The following DENND5B variants were observed in gnomAD, a reference collection of about 807,000 sequenced individuals.
DENND5B encodes the protein DENN domain-containing protein 5B.
Under a neutral mutation model 140.6 loss-of-function variants are expected in DENND5B, and 34 were observed. The observed-to-expected ratio is 0.24, with a 90% CI of 0.18 to 0.32. DENND5B has a LOEUF of 0.32. Ranked by LOEUF, DENND5B falls within the 10% of genes least tolerant of loss-of-function variation. The probability of loss-of-function intolerance (pLI) is 1.00; values close to 1 mark genes in which losing one functional copy is unlikely to be tolerated. For missense variants in DENND5B, 1,142 were observed against 1,560.2 expected, an observed-to-expected ratio of 0.73 and a Z score of 4.52; for synonymous variants, 551 against 562.1, an observed-to-expected ratio of 0.98 and a Z score of 0.28.
At chr12:31,519,110 G>T (rs1947786734) in intron 1 of DENND5B, among the ~76,000 whole-genome samples, 1 of 152,184 alleles carries the variant, frequency 6.6e-6, no homozygotes, top group African/African-American at 2.4e-5. Flanking sequence ...CTGTGGAAAT[G>T]ACTTCGAAAG....
At chr12:31,389,936 CAAAG>C (rs1941036736) in intron 19 of DENND5B, among the ~76,000 whole-genome samples, 1 of 150,030 alleles carries the variant, frequency 6.7e-6, no homozygotes, top group African/African-American at 2.5e-5. Flanking sequence ...AAGTACCTGA[CAAAG>C]AGAGATATAT....
At chr12:31,497,605 GA>G (rs34114075) in intron 1 of DENND5B, among the ~76,000 whole-genome samples, 3,813 of 150,506 alleles carry the variant, frequency 0.025, 183 homozygotes, top group African/African-American at 0.089. Context: ...TGAACACTAA[GA>G]AATTGTAAAT....
rs143632530 is a variant in DENND5B at position 31,581,649 on chromosome 12, C to G, written c.127+9057G>C. ...CGCTGGCTGCGGTGAGCCGAGATCA[C>G]ACCATTGCCCTCCAGCCTGGGCAAC... On this transcript the variant is annotated intron_variant, in intron 1 of 20. Coordinates refer to ENST00000389082, the MANE Select transcript of DENND5B (RefSeq NM_144973.4). 5.6e-3 allele frequency among the ~76,000 whole-genome samples: 825 copies of G among 147,964 alleles called. 4 individuals carry two copies. Among genetic ancestry groups the G allele is most frequent in the Middle Eastern group, 0.028 (8 of 286 alleles).
chr12:31,553,928 C>G (rs1376925611), intron 1 of DENND5B, among the ~76,000 whole-genome samples: 1 of 152,122 alleles, frequency 6.6e-6, no homozygotes, highest in Non-Finnish European at 1.5e-5. Flanking sequence ...AGATCTTCCT[C>G]CATCCCTTTA....
At chr12:31,504,039 G>A (rs544721856) in intron 1 of DENND5B, among the ~76,000 whole-genome samples, 8 of 152,118 alleles carry the variant, frequency 5.3e-5, no homozygotes, top group African/African-American at 1.9e-4. Flanking sequence ...TTTCATCCTT[G>A]CCTCTAGATT....
At chr12:31,497,105 G>GA (rs533616135) in intron 1 of DENND5B, among the ~76,000 whole-genome samples, 1,420 of 141,460 alleles carry the variant, frequency 0.01, 20 homozygotes, top group African/African-American at 0.029. Flanking sequence ...GTAAAAATAT[G>GA]AAAAAAAAAA....
rs372831530 is a variant in DENND5B, at chr12:31,387,624, G to A, written c.3804C>T (p.Leu1268=). 3.9e-5 allele frequency: 63 copies of A among 1,613,752 alleles called. No homozygotes were observed. The African/African-American group carries it at 6.9e-4, about 18-fold the overall frequency. ...TGGGTTACACATCCACTCCTTTGAT[G>A]AGTGATCCTTCTAGGACTATGGTGA... is the stretch of plus-strand genomic sequence containing the variant. ...QDFTIVLEGS[L]IKGVDV The change falls in exon 21 of 21, where the codon CTC becomes CTT. Residue 1268 remains leucine (L), a synonymous_variant. Coordinates refer to ENST00000389082, the MANE Select transcript of DENND5B (RefSeq NM_144973.4).
chr12:31,558,840 T>C (rs1329310892), intron 1 of DENND5B, among the ~76,000 whole-genome samples: 1 of 152,212 alleles, frequency 6.6e-6, no homozygotes, highest in Non-Finnish European at 1.5e-5. Flanking sequence ...TTCAGGAATA[T>C]AGCCAGATAA....
chr12:31,480,713 ATAGGAAAAGGCTCATT>A (rs1946037020), intron 2 of DENND5B, among the ~76,000 whole-genome samples: 1 of 152,260 alleles, frequency 6.6e-6, no homozygotes, highest in Non-Finnish European at 1.5e-5. Flanking sequence ...ATACAGGGAA[ATAGGAAAAGGCTCATT>A]TAGGAAGTGG....
intron 3 of DENND5B, chr12:31,465,012 TTGACTA>T (rs1267747319): frequency 6.6e-6 from 1 of 152,228 alleles, no homozygotes; most frequent in African/African-American, 2.4e-5. Context: ...AAAATTATGC[TTGACTA>T]TATTATACAA....
At chr12:31,438,302 T>C (rs1943869495) in intron 7 of DENND5B, among the ~76,000 whole-genome samples, 1 of 152,174 alleles carries the variant, frequency 6.6e-6, no homozygotes, top group African/African-American at 2.4e-5. Context: ...GAGCAAATAT[T>C]GTATCCATCT....
At chr12:31,555,806 C>T (rs1356337618) in intron 1 of DENND5B, among the ~76,000 whole-genome samples, 1 of 152,200 alleles carries the variant, frequency 6.6e-6, no homozygotes, top group East Asian at 1.9e-4. Flanking sequence ...TGATCTCGGA[C>T]TGCTATGCTA....
intron 7 of DENND5B, among the ~76,000 whole-genome samples, chr12:31,433,968 C>G (rs1430026440): frequency 6.6e-6 from 1 of 152,158 alleles, no homozygotes; most frequent in Non-Finnish European, 1.5e-5. Context: ...GCATTCCAGC[C>G]TGGATGACAG....
chr12:31,584,883 C>T (rs1950344495), intron 1 of DENND5B, among the ~76,000 whole-genome samples: 1 of 129,514 alleles, frequency 7.7e-6, no homozygotes, highest in South Asian at 2.6e-4. Context: ...TAGTTGGCGG[C>T]TATACTACGC....
intron 3 of DENND5B, among the ~76,000 whole-genome samples, chr12:31,473,452 C>T (rs1191692658): frequency 1.3e-5 from 2 of 152,186 alleles, no homozygotes; most frequent in East Asian, 3.8e-4. Context: ...ATCTACCCTT[C>T]AAGCATTATT....
At chr12:31,555,862 C>T (rs573352105) in intron 1 of DENND5B, among the ~76,000 whole-genome samples, 7 of 152,308 alleles carry the variant, frequency 4.6e-5, no homozygotes, top group South Asian at 4.1e-4. Context: ...GAGCCAGGTG[C>T]GGGATATAAT....
intron 1 of DENND5B, among the ~76,000 whole-genome samples, chr12:31,560,246 C>G (rs1002810508): frequency 1.3e-5 from 2 of 152,194 alleles, no homozygotes; most frequent in Non-Finnish European, 2.9e-5. Flanking sequence ...CCTCCTCCAA[C>G]CTATGCAACC....
chr12:31,418,362 GCCT>G (rs564766746), intron 11 of DENND5B, among the ~76,000 whole-genome samples: 295 of 146,854 alleles, frequency 2.0e-3, no homozygotes, highest in Non-Finnish European at 3.2e-3. Flanking sequence ...GCTCACTGCA[GCCT>G]CCACCTCCGG....
chr12:31,579,167 A>G lies in DENND5B; in HGVS notation c.127+11539T>C, dbSNP rs372153019. Among the ~76,000 whole-genome samples, 13 of 152,372 alleles carry G rather than the reference A, an allele frequency of 8.5e-5. No individual in the cohort carries two copies. In the South Asian group the frequency reaches 2.7e-3, roughly 32 times the overall value. On this transcript the variant is annotated intron_variant, in intron 1 of 20. Coordinates refer to ENST00000389082, the MANE Select transcript of DENND5B (RefSeq NM_144973.4). ...GAAACCCATGTTAGTAAAAATAGTT[A>G]CAAGAGTTAATTTCAAATAAAGTTA...
Sources: gnomAD v4.1 joint callset for allele counts (sites outside exome capture counted in the v4.1 genomes callset) on GRCh38, gnomAD v4.1.1 for gene constraint, MANE v1.5 for transcripts, NCBI Gene and HGNC (gene_info 2026-07-23, HGNC 2026-07-21) for gene names.